The following NTM variants were observed in gnomAD, a reference collection of about 807,000 sequenced individuals.
NTM encodes the protein neurotrimin.
In NTM, 13 loss-of-function variants were observed where a neutral mutation model predicts 42.1. That is an observed-to-expected ratio of 0.31 (90% CI 0.20 to 0.49). NTM has a LOEUF of 0.49. NTM is among the 20% of genes least tolerant of loss of function. NTM has a pLI of 0.99. For synonymous variants in NTM, 187 were observed against 179.2 expected, an observed-to-expected ratio of 1.04 and a Z score of -0.35; for missense variants, 373 against 452.8, an observed-to-expected ratio of 0.82 and a Z score of 1.60.
intron 3 of NTM, among the ~76,000 whole-genome samples, chr11:132,166,374 G>T (rs548963210): frequency 1.3e-5 from 2 of 152,118 alleles, no homozygotes; most frequent in African/African-American, 4.8e-5. Context: ...TCTAGAGATG[G>T]GTATGAATTA....
intron 2 of NTM, among the ~76,000 whole-genome samples, chr11:132,063,602 G>C (rs1268653756): frequency 6.6e-6 from 1 of 152,132 alleles, no homozygotes; most frequent in Admixed American, 6.5e-5. Flanking sequence ...CCACCCTCCG[G>C]TGCCCTAATT....
intron 2 of NTM, among the ~76,000 whole-genome samples, chr11:132,038,904 T>C (rs1287814781): frequency 2.0e-5 from 3 of 152,194 alleles, no homozygotes; most frequent in African/African-American, 7.2e-5. Flanking sequence ...TCCACAATGC[T>C]CTACTTAGAC....
chr11:131,923,822 G>A (rs1204076816), intron 2 of NTM, among the ~76,000 whole-genome samples: 1 of 152,198 alleles, frequency 6.6e-6, no homozygotes, highest in Admixed American at 6.5e-5. Flanking sequence ...TAATGATTAA[G>A]TGCAGGGTCT....
intron 1 of NTM, among the ~76,000 whole-genome samples, chr11:131,762,600 C>T (rs1255008874): frequency 6.6e-6 from 1 of 152,224 alleles, no homozygotes. Context: ...GGCCCTGTCG[C>T]CCTTCCCCTT....
At chr11:132,008,866 CTT>C (rs538607736) in intron 2 of NTM, among the ~76,000 whole-genome samples, 2 of 137,648 alleles carry the variant, frequency 1.5e-5, no homozygotes, top group Admixed American at 7.3e-5. Flanking sequence ...TCCTTGTTTT[CTT>C]TTTTTTTTTT....
intron 3 of NTM, among the ~76,000 whole-genome samples, chr11:132,165,047 C>T (rs1360492416): frequency 6.6e-6 from 1 of 152,166 alleles, no homozygotes. Flanking sequence ...AGGCTACATG[C>T]TGTCCAGTGA....
At chr11:131,615,351 TTCTC>T (rs142402475) in intron 1 of NTM, among the ~76,000 whole-genome samples, 4 of 150,504 alleles carry the variant, frequency 2.7e-5, no homozygotes, top group African/African-American at 9.8e-5. Flanking sequence ...TCATAGCAAG[TTCTC>T]TCTCTCTCTC....
chr11:132,032,046 TTA>T (rs1380633541), intron 2 of NTM, among the ~76,000 whole-genome samples: 2 of 152,132 alleles, frequency 1.3e-5, no homozygotes, highest in Non-Finnish European at 2.9e-5. Flanking sequence ...ACTGCTGAGG[TTA>T]TTAAAACTGT....
At chr11:131,420,863 T>C (rs990934124) in intron 1 of NTM, among the ~76,000 whole-genome samples, 1 of 152,172 alleles carries the variant, frequency 6.6e-6, no homozygotes, top group Admixed American at 6.5e-5. Context: ...GAACCAGCAT[T>C]TGTTGGCAAA....
At chr11:132,314,178 CCATCATCATCAT>C (rs3028804) in intron 6 of NTM, among the ~76,000 whole-genome samples, 6 of 151,206 alleles carry the variant, frequency 4.0e-5, no homozygotes, top group South Asian at 2.1e-4. Context: ...ATCACCATCA[CCATCATCATCAT>C]CAGGCCCACA....
At chr11:132,092,441 T>C (rs893505422) in intron 2 of NTM, among the ~76,000 whole-genome samples, 2 of 152,162 alleles carry the variant, frequency 1.3e-5, no homozygotes, top group Non-Finnish European at 1.5e-5. Flanking sequence ...CCTGACCTCC[T>C]CAAGTCACTC....
Position 131,812,183 on chromosome 11 carries a change from C to CCTCTCTCTCTCTCTCT in NTM, c.83-99358_83-99343dup, listed in dbSNP as rs145003478. Among the ~76,000 whole-genome samples, 331 of 142,978 alleles carry CCTCTCTCTCTCTCTCT rather than the reference C, an allele frequency of 2.3e-3. 5 individuals are homozygous for CCTCTCTCTCTCTCTCT. The highest frequency in any genetic ancestry group is 8.5e-3 in the African/African-American group (307 of 36,260). The allele number at this position is 142,978 out of a possible 152,430, so 93.8% of individuals were successfully genotyped here. A position where few individuals can be genotyped will look rare whatever the true frequency, so the allele number is the denominator to read the frequency against. ...CTTTGTCAGAAAGATAATTAGTCAGCCTCTCTCTCTCTCTCTCTCTCTCTC... is the reference window on the plus strand; with the variant it reads ...CTTTGTCAGAAAGATAATTAGTCAGCCTCTCTCTCTCTCTCTCTCTCTCTCTCTCTCTCTCTCTCTC... On this transcript the variant is annotated intron_variant, in intron 1 of 8. Coordinates refer to ENST00000683400, the MANE Select transcript of NTM (RefSeq NM_001352005.2).
Position 131,373,844 on chromosome 11 carries a change from G to A in NTM, c.82+2956G>A, listed in dbSNP as rs557740845. Among the ~76,000 whole-genome samples, 5 of 152,148 alleles carry A rather than the reference G, an allele frequency of 3.3e-5. No homozygotes were observed. The South Asian group carries it at 8.3e-4, about 25-fold the overall frequency. ...TCTCCTCACATCCCGCATCCGCTTA[G>A]CAGCTAGCCTGAGACACAGACAGGG... is the stretch of plus-strand genomic sequence containing the variant. On this transcript the variant is annotated intron_variant, in intron 1 of 8. Coordinates refer to ENST00000683400, the MANE Select transcript of NTM (RefSeq NM_001352005.2).
chr11:131,674,090 G>A (rs914486623), intron 1 of NTM, among the ~76,000 whole-genome samples: 21 of 152,222 alleles, frequency 1.4e-4, no homozygotes, highest in African/African-American at 4.8e-4. Flanking sequence ...CACACACAGC[G>A]TAGGGTGAGC....
chr11:132,283,908 C>T (rs1483860000), intron 4 of NTM, among the ~76,000 whole-genome samples: 2 of 152,076 alleles, frequency 1.3e-5, no homozygotes, highest in Admixed American at 1.3e-4. Flanking sequence ...CTGTCATCAC[C>T]CCAGGGGCTC....
chr11:131,375,184 C>G (rs983687810), intron 1 of NTM, among the ~76,000 whole-genome samples: 5 of 152,114 alleles, frequency 3.3e-5, no homozygotes, highest in African/African-American at 1.2e-4. Flanking sequence ...AAATCTCTCC[C>G]TCTGCGGGCC....
At chr11:131,806,820 C>T (rs190697321) in intron 1 of NTM, among the ~76,000 whole-genome samples, 1 of 152,310 alleles carries the variant, frequency 6.6e-6, no homozygotes, top group East Asian at 1.9e-4. Flanking sequence ...AGGCACAATG[C>T]TAAGCAGTGC....
chr11:132,262,368 C>T (rs374912231), intron 4 of NTM, among the ~76,000 whole-genome samples: 38 of 152,182 alleles, frequency 2.5e-4, no homozygotes, highest in Non-Finnish European at 4.1e-4. Flanking sequence ...CCACTGGCCA[C>T]GGTTGACTAA....
intron 1 of NTM, among the ~76,000 whole-genome samples, chr11:131,574,604 AC>A (rs1239278473): frequency 1.0e-5 from 1 of 96,640 alleles, no homozygotes; most frequent in Non-Finnish European, 2.1e-5. Context: ...ATGCACCTTT[AC>A]ATTCACTTAG....
Sources: gnomAD v4.1 joint callset for allele counts (sites outside exome capture counted in the v4.1 genomes callset) on GRCh38, gnomAD v4.1.1 for gene constraint, MANE v1.5 for transcripts, NCBI Gene and HGNC (gene_info 2026-07-23, HGNC 2026-07-21) for gene names.